Variants in ACSM2A observed in about 807,000 individuals in gnomAD.
ACSM2A encodes the protein acyl-CoA synthetase medium chain family member 2A, also known as acyl-coenzyme A synthetase ACSM2A, mitochondrial.
In ACSM2A, 72 loss-of-function variants were observed where a neutral mutation model predicts 76.6. The ratio of observed to expected loss-of-function variants is 0.94; its 90% confidence interval spans 0.78 to 1.14. The LOEUF is 1.14. ACSM2A is among the 50% of genes most tolerant of loss of function. The pLI, the probability that ACSM2A is intolerant of heterozygous loss-of-function variation, is 0.00. For synonymous variants in ACSM2A, 249 were observed against 255.9 expected (o/e 0.97, Z 0.26); for missense variants, 684 against 708.5 (o/e 0.97, Z 0.39).
At position 20,486,931 on chromosome 16, in the gene ACSM2A, C is replaced by T; in HGVS notation, c.*253C>T. On this transcript the variant is annotated 3_prime_UTR_variant, in exon 14 of 14. Coordinates refer to ENST00000573854, the MANE Select transcript of ACSM2A (RefSeq NM_001308172.2). Reference sequence around the variant, plus strand: ...AAAGTAAGTCAGGGAAATATTAAAACTGCAAGGGAAAGCAATTGAAAAAGA... The same window carrying T: ...AAAGTAAGTCAGGGAAATATTAAAATTGCAAGGGAAAGCAATTGAAAAAGA... The T allele has an allele frequency of 2.7e-6, 1 of 369,372 alleles. No homozygotes were observed. Among genetic ancestry groups the T allele is most frequent in the East Asian group, 4.4e-5 (1 of 22,592 alleles). The allele number at this position is 369,372 out of a possible 1,614,324, so 22.9% of individuals were successfully genotyped here. A position where few individuals can be genotyped will look rare whatever the true frequency, so the allele number is the denominator to read the frequency against.
In ACSM2A at chr16:20,469,506, C is replaced by A. The variant is rs528098002; in HGVS notation, c.389-6C>A. 7.4e-6 allele frequency: 12 copies of A among 1,611,462 alleles called. No homozygotes were observed. Among genetic ancestry groups the A allele is most frequent in the South Asian group, 3.3e-5 (3 of 90,994 alleles). ...TTCCAATTCTCTAAATTGTTGGCTT[C>A]TTTAGGTCTCATCTTTATGCCTGGA... On this transcript the variant is annotated splice_region_variant and splice_polypyrimidine_tract_variant and intron_variant, in intron 3 of 13. Coordinates refer to ENST00000573854, the MANE Select transcript of ACSM2A (RefSeq NM_001308172.2).
chr16:20,469,825 G>A, intron 4 of ACSM2A, 106 bp downstream of exon 4: 1 of 1,462,308 alleles, frequency 6.8e-7, no homozygotes, highest in Non-Finnish European at 9.3e-7. Flanking sequence ...AACAGCATGG[G>A]ACTAGGAAGA....
At chr16:20,458,302 AT>A (rs1247632937) in intron 1 of ACSM2A, among the ~76,000 whole-genome samples, 2 of 148,446 alleles carry the variant, frequency 1.3e-5, no homozygotes, top group Non-Finnish European at 1.5e-5. Flanking sequence ...TAGAAAAAAA[AT>A]CCAAAAATAT....
Position 20,471,660 on chromosome 16 carries a change from C to A in ACSM2A, c.865C>A (p.Pro289Thr). The A allele has an allele frequency of 1.9e-6, 3 of 1,613,784 alleles. No individual in the cohort carries two copies. Among genetic ancestry groups the A allele is most frequent in the Non-Finnish European group, 2.5e-6 (3 of 1,179,792 alleles). ...AGCATGCACATTTGTTCATCTCTTG[C>A]CAAAGTTTGACCCACTGGTTATTCT... ...LGACTFVHLL[P>T]KFDPLVILKT... The change falls in exon 6 of 14, where the codon CCA becomes ACA. Residue 289 changes from proline (P) to threonine (T), a missense_variant. By Grantham distance (38) the Pro-to-Thr change is conservative. This residue lies in a region of ACSM2A where 519 missense variants were observed against 549.5 expected (regional missense o/e 0.94). Transcript: ENST00000573854.
chr16:20,477,742 G>A (rs2013835876), intron 9 of ACSM2A, among the ~76,000 whole-genome samples: 1 of 152,166 alleles, frequency 6.6e-6, no homozygotes, highest in Non-Finnish European at 1.5e-5. Context: ...GGTGAATCTT[G>A]ACATAATATT....
rs1212843762 is a variant in ACSM2A at position 20,486,777 on chromosome 16, A to G, written c.*99A>G. The G allele has an allele frequency of 7.9e-6, 11 of 1,394,134 alleles. No homozygotes were observed. Among genetic ancestry groups the G allele is most frequent in the Non-Finnish European group, 1.1e-5 (11 of 1,003,756 alleles). The allele number at this position is 1,394,134 out of a possible 1,614,324, so 86.4% of individuals were successfully genotyped here. ...ATGATTATATGAGATTCTTTATGGA[A>G]GAACATGAATATAAGTTTTGTCTTG... On this transcript the variant is annotated 3_prime_UTR_variant, in exon 14 of 14. Coordinates refer to ENST00000573854, the MANE Select transcript of ACSM2A (RefSeq NM_001308172.2).
At chr16:20,483,274 TAA>T (rs2014197227) in intron 13 of ACSM2A, 97 bp downstream of exon 13, 13 of 1,541,540 alleles carry the variant, frequency 8.4e-6, no homozygotes, top group Middle Eastern at 1.9e-4. Context: ...CCTCTAATTT[TAA>T]AAAGTCTTCC....
At chr16:20,469,877 T>G (rs1246591942) in intron 4 of ACSM2A, among the ~76,000 whole-genome samples, 158 bp downstream of exon 4, 1 of 148,600 alleles carries the variant, frequency 6.7e-6, no homozygotes, top group East Asian at 2.0e-4. Flanking sequence ...AGGGTATTTT[T>G]TTTTTTTTTT....
At chr16:20,455,746 A>C (rs539027688) in intron 1 of ACSM2A, among the ~76,000 whole-genome samples, 5 of 147,942 alleles carry the variant, frequency 3.4e-5, no homozygotes, top group East Asian at 2.0e-4. Flanking sequence ...TAAAAAAAAA[A>C]CCCAAGCTAC....
At chr16:20,460,081 A>T in intron 1 of ACSM2A, 26 bp from the exon 2 acceptor site, 1 of 1,585,872 alleles carries the variant, frequency 6.3e-7, no homozygotes. Flanking sequence ...AGAAGCTCTC[A>T]CCTGTGTCTC....
At chr16:20,475,233 A>G (rs1324206907) in intron 6 of ACSM2A, 129 bp from the exon 7 acceptor site, 62 of 1,557,186 alleles carry the variant, frequency 4.0e-5, no homozygotes, top group African/African-American at 9.5e-5. Flanking sequence ...TGAATCAGAC[A>G]TAGTAAACAA....
At chr16:20,479,441 ACTCAGTTTG>A (rs2013960001) in intron 10 of ACSM2A, among the ~76,000 whole-genome samples, 1 of 152,090 alleles carries the variant, frequency 6.6e-6, no homozygotes, top group Admixed American at 6.5e-5. Flanking sequence ...AAGTTTTTGG[ACTCAGTTTG>A]CTCGAGTTCA....
intron 8 of ACSM2A, 195 bp from the exon 9 acceptor site, chr16:20,477,174 C>G (rs2013792332): frequency 9.9e-7 from 1 of 1,005,544 alleles, no homozygotes; most frequent in Admixed American, 3.5e-5. Context: ...GCTTCCTGAA[C>G]TAACAATTTA....
chr16:20,483,561 C>T (rs2014219625), intron 13 of ACSM2A, among the ~76,000 whole-genome samples: 1 of 79,348 alleles, frequency 1.3e-5, no homozygotes, highest in African/African-American at 4.7e-5. Context: ...CAGAGTGAGA[C>T]TCTGTCTCAA....
At chr16:20,451,869 T>C (rs1212218779) in intron 1 of ACSM2A, among the ~76,000 whole-genome samples, 188 bp downstream of exon 1, 1 of 143,606 alleles carries the variant, frequency 7.0e-6, no homozygotes, top group Non-Finnish European at 1.5e-5. Flanking sequence ...GGCACCTTTA[T>C]GGCAGCAACA....
At chr16:20,471,006 G>C in intron 4 of ACSM2A, 67 bp from the exon 5 acceptor site, 1 of 1,601,702 alleles carries the variant, frequency 6.2e-7, no homozygotes. Context: ...GGTGGGAAAA[G>C]ATGGGTCACT....
intron 1 of ACSM2A, among the ~76,000 whole-genome samples, chr16:20,458,892 TTATATATATATGCATATATATATA>T (rs1351766253): frequency 9.9e-5 from 11 of 111,178 alleles, no homozygotes; most frequent in Non-Finnish European, 1.9e-4. Context: ...ATAGTATATA[TTATATATATATGCATATATATATA>T]TATATATATA....
chr16:20,485,393 T>C (rs967375005), intron 13 of ACSM2A, among the ~76,000 whole-genome samples: 1 of 152,200 alleles, frequency 6.6e-6, no homozygotes, highest in Non-Finnish European at 1.5e-5. Context: ...CAGTCCTTTC[T>C]ACTTCTCTCT....
intron 3 of ACSM2A, among the ~76,000 whole-genome samples, chr16:20,466,206 A>C (rs1020828549): frequency 6.6e-6 from 1 of 152,104 alleles, no homozygotes; most frequent in African/African-American, 2.4e-5. Flanking sequence ...CTTATCCACA[A>C]AACCTAAAAT....
Sources: gnomAD v4.1 joint callset for allele counts (sites outside exome capture counted in the v4.1 genomes callset) on GRCh38, gnomAD v4.1.1 for gene constraint, gnomAD v4.1.1 regional missense constraint, MANE v1.5 for transcripts, NCBI Gene and HGNC (gene_info 2026-07-23, HGNC 2026-07-21) for gene names.